ARPC1B: variants seen among roughly 807,000 people sequenced by gnomAD.
ARPC1B encodes actin-related protein 2/3 complex subunit 1B.
In ARPC1B, 29 loss-of-function variants were observed where a neutral mutation model predicts 46.0. The ratio of observed to expected loss-of-function variants is 0.63; its 90% CI spans 0.47 to 0.86. The LOEUF is 0.86. Among genes scored for constraint, ARPC1B ranks in the 40% least tolerant of loss-of-function variants. ARPC1B has a pLI of 0.00. For missense variants in ARPC1B, 469 were observed against 529.4 expected (o/e 0.89, Z 1.12); for synonymous variants, 201 against 213.9 (o/e 0.94, Z 0.53).
At chr7:99,393,658 A>G (rs1040927417) in intron 8 of ARPC1B, among the ~76,000 whole-genome samples, 8 of 149,696 alleles carry the variant, frequency 5.3e-5, no homozygotes, top group African/African-American at 1.7e-4. Context: ...GGTCTGTAAA[A>G]CCTCCTGTGT....
chr7:99,384,613 C>T (rs1794322065), intron 1 of ARPC1B, among the ~76,000 whole-genome samples: 3 of 152,216 alleles, frequency 2.0e-5, no homozygotes, highest in Admixed American at 1.3e-4. Context: ...CCCCAAGAGC[C>T]ATCACCCAGG....
intron 1 of ARPC1B, among the ~76,000 whole-genome samples, chr7:99,384,759 C>T (rs1401217421): frequency 1.3e-5 from 2 of 152,124 alleles, no homozygotes; most frequent in African/African-American, 4.8e-5. Context: ...TCCCTTCTCC[C>T]CGTCTGAGCA....
intron 1 of ARPC1B, 69 bp from the exon 2 acceptor site, chr7:99,385,633 C>T (rs1175998007): frequency 2.2e-6 from 3 of 1,354,266 alleles, no homozygotes. Context: ...TCATCTGGGG[C>T]CTGGTATGGG....
chr7:99,394,396 G>C (rs888292462), intron 9 of ARPC1B, 55 bp from the exon 10 acceptor site: 1 of 1,460,974 alleles, frequency 6.8e-7, no homozygotes, highest in Non-Finnish European at 9.6e-7. Context: ...GTCCCTGGGA[G>C]TGGGGTGCCT....
intron 5 of ARPC1B, 25 bp downstream of exon 5, chr7:99,390,037 G>A (rs1186149136): frequency 3.7e-6 from 6 of 1,601,120 alleles, no homozygotes; most frequent in Non-Finnish European, 5.1e-6. Context: ...CATGGGGGAG[G>A]GCGGGGCTGA....
At chr7:99,389,597 C>T in intron 4 of ARPC1B, 1 of 296,804 alleles carries the variant, frequency 3.4e-6, no homozygotes, top group Middle Eastern at 1.1e-3. Context: ...CCCAAATTTG[C>T]ATCCCACCAT....
At chr7:99,374,263 T>C (rs890983670), upstream of ARPC1B, 2 of 151,734 alleles carry the variant, frequency 1.3e-5, no homozygotes, top group African/African-American at 4.8e-5. This position sits in a 1 kb window ranked among gnomAD's most constrained non-coding sequence, Gnocchi z 5.0. Context: ...GCCTGCACAG[T>C]TGGCGCCCAC....
chr7:99,376,549 T>G (rs1453993337), intron 1 of ARPC1B: 3 of 152,198 alleles, frequency 2.0e-5, no homozygotes, highest in African/African-American at 7.2e-5. Context: ...TGTCTGAGCC[T>G]GGGTTTCCTC....
At chr7:99,381,924 T>G (rs1294818884) in intron 1 of ARPC1B, among the ~76,000 whole-genome samples, 1 of 152,172 alleles carries the variant, frequency 6.6e-6, no homozygotes, top group Non-Finnish European at 1.5e-5. Context: ...CCAGTCCTGG[T>G]TGGCTCCCAG....
intron 4 of ARPC1B, 145 bp from the exon 5 acceptor site, chr7:99,389,760 T>C: frequency 1.4e-6 from 1 of 718,936 alleles, no homozygotes. Flanking sequence ...CTGACGGCCT[T>C]GTGGGCTGGC....
rs1794454867 is a variant in ARPC1B at position 99,388,168 on chromosome 7, G to A, written c.299G>A (p.Arg100His). Residue 100 changes from arginine (R) to histidine (H), a missense_variant, in exon 4 of 10, where the codon CGC becomes CAC. Transcript: ENST00000646101. ...LVILRINRAA[R>H]CVRWAPNENK... The stretch of plus-strand genomic sequence containing the variant: ...ATCCTGCGGATCAACCGGGCTGCCC[G>A]CTGCGTGCGCTGGGCCCCCAACGAG... The A allele has an allele frequency of 1.2e-6, 2 of 1,614,094 alleles. No homozygotes were observed. Among genetic ancestry groups the A allele is most frequent in the Admixed American group, 1.7e-5 (1 of 59,998 alleles).
chr7:99,393,041 G>A (rs541407134), intron 8 of ARPC1B, among the ~76,000 whole-genome samples, 165 bp downstream of exon 8: 3 of 152,152 alleles, frequency 2.0e-5, no homozygotes, highest in African/African-American at 7.2e-5. Context: ...CGCTGCGCCG[G>A]AACGGCGTCT....
intron 1 of ARPC1B, among the ~76,000 whole-genome samples, chr7:99,376,829 C>T (rs1015362189): frequency 1.3e-4 from 20 of 150,140 alleles, no homozygotes; most frequent in South Asian, 2.1e-4. Flanking sequence ...AAGATCATGC[C>T]GTTGCACTCC....
chr7:99,385,552 C>T, intron 1 of ARPC1B, 150 bp from the exon 2 acceptor site: 1 of 658,428 alleles, frequency 1.5e-6, no homozygotes, highest in Non-Finnish European at 2.6e-6. Flanking sequence ...AGGGCTGGCC[C>T]CTGCTGCTCC....
At chr7:99,388,343 T>C in intron 4 of ARPC1B, 82 bp downstream of exon 4, 3 of 1,373,770 alleles carry the variant, frequency 2.2e-6, no homozygotes, top group Non-Finnish European at 3.1e-6. Flanking sequence ...CCAAATGGGA[T>C]GTCAGGACCC....
At chr7:99,376,258 C>G (rs1794028830) in intron 1 of ARPC1B, among the ~76,000 whole-genome samples, 2 of 152,194 alleles carry the variant, frequency 1.3e-5, no homozygotes. Flanking sequence ...GCCAGCTTCT[C>G]CCTTCACTGG....
intron 1 of ARPC1B, 118 bp from the exon 2 acceptor site, chr7:99,385,584 C>G: frequency 1.1e-6 from 1 of 878,004 alleles, no homozygotes; most frequent in Non-Finnish European, 1.8e-6. Context: ...TGCTGCCCCT[C>G]TAAACTGAGG....
chr7:99,375,329 C>T (rs541999385), intron 1 of ARPC1B, among the ~76,000 whole-genome samples: 1 of 152,204 alleles, frequency 6.6e-6, no homozygotes, highest in African/African-American at 2.4e-5. Flanking sequence ...CCGCCCCGCC[C>T]CTGCCCTCCT....
chr7:99,391,505 G>A (rs902904324), intron 7 of ARPC1B, among the ~76,000 whole-genome samples: 5 of 152,162 alleles, frequency 3.3e-5, no homozygotes, highest in Admixed American at 6.5e-5. Flanking sequence ...AGCACTTTGC[G>A]AGGTTGAGGT....
Sources: allele counts gnomAD v4.1 joint callset (sites outside exome capture counted in the v4.1 genomes callset), GRCh38; gene constraint gnomAD v4.1.1; non-coding constraint Gnocchi (gnomAD v3.1); transcripts MANE v1.5; gene names NCBI Gene and HGNC (gene_info 2026-07-23, HGNC 2026-07-21).